ATRN: variants seen among roughly 807,000 people sequenced by gnomAD.
The protein encoded by ATRN is attractin, also known as attractin-2.
In ATRN, 54 loss-of-function variants were observed where a neutral mutation model predicts 178.7. The ratio of observed to expected loss-of-function variants is 0.30; its 90% CI spans 0.24 to 0.38. The LOEUF (loss-of-function observed/expected upper bound fraction) is 0.38. Among genes scored for constraint, ATRN ranks in the 10% least tolerant of loss-of-function variants. ATRN has a pLI of 1.00. For missense variants in ATRN, 1,443 were observed against 1,815.1 expected (o/e 0.79, Z 3.73); for synonymous variants, 636 against 663.0 (o/e 0.96, Z 0.63).
chr20:3,575,694 C>A, intron 12 of ATRN, 133 bp from the exon 13 acceptor site: 1 of 999,000 alleles, frequency 1.0e-6, no homozygotes, highest in Non-Finnish European at 1.5e-6. Context: ...CAGAACATAC[C>A]AAATATATTT....
At chr20:3,541,802 G>A (rs1401311563) in intron 3 of ATRN, among the ~76,000 whole-genome samples, 6 of 152,232 alleles carry the variant, frequency 3.9e-5, no homozygotes. Flanking sequence ...CCTGCAACTG[G>A]CTTTCTAAAT....
intron 22 of ATRN, 93 bp downstream of exon 22, chr20:3,598,093 C>A: frequency 2.5e-6 from 2 of 793,246 alleles, no homozygotes; most frequent in East Asian, 2.5e-5. Flanking sequence ...TAACAGTGCT[C>A]TCCAGACTGG....
intron 1 of ATRN, among the ~76,000 whole-genome samples, chr20:3,507,895 G>A (rs2085069654): frequency 6.6e-6 from 1 of 151,618 alleles, no homozygotes; most frequent in Admixed American, 6.6e-5. Flanking sequence ...TAGCGAAACG[G>A]GGTTTCACCA....
At chr20:3,562,513 T>C in intron 9 of ATRN, 54 bp downstream of exon 9, 4 of 1,562,292 alleles carry the variant, frequency 2.6e-6, no homozygotes, top group Non-Finnish European at 3.5e-6. Context: ...GTAGAGGCAA[T>C]TGTGGAGAAA....
At chr20:3,518,116 AC>A (rs1198800028) in intron 1 of ATRN, among the ~76,000 whole-genome samples, 2 of 152,142 alleles carry the variant, frequency 1.3e-5, no homozygotes, top group Non-Finnish European at 2.9e-5. Flanking sequence ...TTGTATCCAT[AC>A]TTTGTTAGAC....
At chr20:3,545,967 C>T in intron 4 of ATRN, 77 bp downstream of exon 4, 1 of 1,501,730 alleles carries the variant, frequency 6.7e-7, no homozygotes, top group Non-Finnish European at 9.2e-7. Context: ...TAATGGCTAA[C>T]ATAGATTGAG....
At chr20:3,516,152 G>A (rs2085203344) in intron 1 of ATRN, among the ~76,000 whole-genome samples, 2 of 152,174 alleles carry the variant, frequency 1.3e-5, no homozygotes, top group South Asian at 4.1e-4. Flanking sequence ...GAGGGAAGAA[G>A]GTTTAGCAAA....
rs553919921 is a variant in ATRN at position 3,615,557 on chromosome 20, CTTT to C, written c.3802-8941_3802-8939del. ...TTAATTCTTTTCTTTTTTCTTTTTTCTTTTTTTTTTTTTTTGGAGACAGAGTCT... is the reference window on the plus strand; with the variant it reads ...TTAATTCTTTTCTTTTTTCTTTTTTCTTTTTTTTTTTTGGAGACAGAGTCT... On this transcript the variant is annotated intron_variant, in intron 24 of 28. Transcript: ENST00000262919. 9.8e-5 allele frequency among the ~76,000 whole-genome samples: 13 copies of C among 133,246 alleles called. No individual in the cohort carries two copies. The East Asian group carries it at 1.9e-3, about 20-fold the overall frequency. 87.4% of individuals were successfully genotyped at this position (133,246 alleles called of 152,430 possible).
chr20:3,558,450 T>G (rs2085907480), intron 6 of ATRN, among the ~76,000 whole-genome samples: 1 of 152,100 alleles, frequency 6.6e-6, no homozygotes, highest in Non-Finnish European at 1.5e-5. Flanking sequence ...TGATAATGTT[T>G]TTCAAGATTT....
chr20:3,471,486 G>A lies in ATRN; in HGVS notation c.379G>A (p.Glu127Lys). The change falls in exon 1 of 29, where the codon GAG becomes AAG. Residue 127 changes from glutamate (E) to lysine (K), a missense_variant. Glu to Lys is a moderately conservative substitution (Grantham distance 56). Around this residue, in one of 4 missense-constraint regions of ATRN, gnomAD observed 862 missense variants for 972.1 expected, o/e 0.89. Transcript: ENST00000262919. ...QCVCPAGWVGEQCQHCGGRFR... is the reference protein window; with the variant it reads ...QCVCPAGWVGKQCQHCGGRFR... ...CGTCTGCCCCGCCGGCTGGGTGGGC[G>A]AGCAATGCCAGCACTGCGGGGGCCG... 7.1e-7 allele frequency: 1 copy of A among 1,410,820 alleles called. No individual in the cohort carries two copies. The allele number at this position is 1,410,820 out of a possible 1,614,324, so 87.4% of individuals were successfully genotyped here. A position where few individuals can be genotyped will look rare whatever the true frequency, so the allele number is the denominator to read the frequency against.
At chr20:3,519,828 C>T (rs1475731604) in intron 1 of ATRN, among the ~76,000 whole-genome samples, 1 of 152,194 alleles carries the variant, frequency 6.6e-6, no homozygotes, top group African/African-American at 2.4e-5. Context: ...AATTTGAACA[C>T]TGTAGCTAAA....
intron 24 of ATRN, among the ~76,000 whole-genome samples, chr20:3,612,760 A>G (rs1360591929): frequency 6.6e-6 from 1 of 152,206 alleles, no homozygotes; most frequent in Non-Finnish European, 1.5e-5. Flanking sequence ...TTGTACTGAC[A>G]TACCTCTCCA....
intron 1 of ATRN, among the ~76,000 whole-genome samples, chr20:3,481,942 A>G (rs1024248428): frequency 6.6e-6 from 1 of 151,594 alleles, no homozygotes; most frequent in Non-Finnish European, 1.5e-5. Flanking sequence ...TAGGGGCTGG[A>G]ATTCTGTCAG....
At position 3,600,914 on chromosome 20, in the gene ATRN, T is replaced by A. The variant is rs751483003; in HGVS notation, c.3565-32T>A. The stretch of plus-strand genomic sequence containing the variant: ...TTTTAAAATCTAGAAATTGTTTTAA[T>A]TAATTTTCTAATAATTTGTACCGCT... On this transcript the variant is annotated intron_variant, in intron 22 of 28. Transcript: ENST00000262919. 15 of 1,561,434 alleles carry A rather than the reference T, an allele frequency of 9.6e-6. 1 individual carries two copies. The highest frequency in any genetic ancestry group is 1.7e-5 in the Admixed American group (1 of 57,660).
chr20:3,558,229 A>G (rs1039856963), intron 6 of ATRN, among the ~76,000 whole-genome samples: 3 of 152,182 alleles, frequency 2.0e-5, no homozygotes, highest in Non-Finnish European at 2.9e-5. Flanking sequence ...TATAGAAACA[A>G]TATTCTGCAG....
At chr20:3,479,853 T>TC (rs1458738764) in intron 1 of ATRN, among the ~76,000 whole-genome samples, 2 of 152,160 alleles carry the variant, frequency 1.3e-5, no homozygotes, top group Non-Finnish European at 2.9e-5. Context: ...TGTGATACTC[T>TC]CCCTCCCTTT....
intron 27 of ATRN, among the ~76,000 whole-genome samples, chr20:3,640,695 GA>G (rs1421084577): frequency 2.0e-5 from 3 of 152,218 alleles, no homozygotes; most frequent in Non-Finnish European, 4.4e-5. Context: ...AGCCACTGTG[GA>G]AAACAGTACC....
In ATRN at chr20:3,638,661, C is replaced by T. The variant is rs2087043669; in HGVS notation, c.3943-167C>T. Among the ~76,000 whole-genome samples, 1 of 152,144 alleles carries T rather than the reference C, an allele frequency of 6.6e-6. No individual in the cohort carries two copies. Among genetic ancestry groups the T allele is most frequent in the South Asian group, 2.1e-4 (1 of 4,822 alleles). ...AGGACAATGGTGTTATCACATCCAA[C>T]AAAATTTAGTAATCCCTAATGTTAT... On this transcript the variant is annotated intron_variant, in intron 26 of 28. Coordinates refer to ENST00000262919, the MANE Select transcript of ATRN (RefSeq NM_139321.3). This position sits in a 1 kb window ranked among gnomAD's most constrained non-coding sequence, Gnocchi z 4.5.
intron 1 of ATRN, among the ~76,000 whole-genome samples, chr20:3,501,966 T>C (rs1323640758): frequency 6.6e-6 from 1 of 151,604 alleles, no homozygotes; most frequent in East Asian, 1.9e-4. Flanking sequence ...ATAGATCAGC[T>C]CTTACAAAGG....
Sources: allele counts gnomAD v4.1 joint callset (sites outside exome capture counted in the v4.1 genomes callset), GRCh38; gene constraint gnomAD v4.1.1; regional missense constraint gnomAD v4.1.1; non-coding constraint Gnocchi (gnomAD v3.1); transcripts MANE v1.5; gene names NCBI Gene and HGNC (gene_info 2026-07-23, HGNC 2026-07-21).